The following CA12 variants were observed in gnomAD, a reference collection of about 807,000 sequenced individuals.
The protein encoded by CA12 is carbonate dehydratase XII.
CA12 carries 36 observed loss-of-function variants against 46.8 expected under a neutral mutation model. The ratio of observed to expected loss-of-function variants is 0.77; its 90% CI spans 0.59 to 1.02. CA12 has a LOEUF of 1.02. Among genes scored for constraint, CA12 ranks in the 50% least tolerant of loss-of-function variants. The probability of loss-of-function intolerance (pLI) is 0.00; values close to 1 mark genes in which losing one functional copy is unlikely to be tolerated. For missense variants in CA12, 436 were observed against 451.4 expected (o/e 0.97, Z 0.31); for synonymous variants, 202 against 187.0 (o/e 1.08, Z -0.65).
Position 63,381,662 on chromosome 15 carries a change from T to C in CA12, c.59A>G (p.Gln20Arg). 6.2e-7 allele frequency: 1 copy of C among 1,611,920 alleles called. No homozygotes were observed. Among genetic ancestry groups the C allele is most frequent in the Non-Finnish European group, 8.5e-7 (1 of 1,179,102 alleles). Residue 20 changes from glutamine to arginine, a missense_variant, in exon 1 of 11, where the codon CAG (glutamine) becomes CGG (arginine). Transcript: ENST00000178638. The part of the protein sequence containing the change: ...AVLLLVILKE[Q>R]PSSPAPVNGS... ...GTTCACTGGGGCCGGGCTGGAAGGC[T>C]GTTCCTTTAAGATCACCAGCAGGAG...
At chr15:63,349,961 G>T (rs1040538217) in intron 2 of CA12, among the ~76,000 whole-genome samples, 3 of 152,204 alleles carry the variant, frequency 2.0e-5, no homozygotes, top group African/African-American at 7.2e-5. Context: ...GAGGAAAAAT[G>T]AGATCACTTG....
chr15:63,375,091 C>T (rs79693439), intron 2 of CA12, among the ~76,000 whole-genome samples: 2,133 of 152,286 alleles, frequency 0.014, 33 homozygotes, highest in Non-Finnish European at 0.022. Context: ...CACAGAAAGC[C>T]CAGGCAACAA....
Position 63,355,568 on chromosome 15 carries a change from C to G in CA12, c.107-8859G>C, listed in dbSNP as rs1242460521. Among the ~76,000 whole-genome samples the G allele has an allele frequency of 6.6e-6, 1 of 152,354 alleles. No homozygotes were observed. The highest frequency in any genetic ancestry group is 1.5e-5 in the Non-Finnish European group (1 of 68,036). ...TGAGGCTGAGAAGCGCTGCACTAGA[C>G]TGTCAGCTCGCTTTCTGCATGCGTG... is the stretch of plus-strand genomic sequence containing the variant. On this transcript the variant is annotated intron_variant, in intron 2 of 10. Coordinates refer to ENST00000178638, the MANE Select transcript of CA12 (RefSeq NM_001218.5). This position sits in a 1 kb window ranked among gnomAD's most constrained non-coding sequence, Gnocchi z 4.1.
At position 63,348,648 on chromosome 15, in the gene CA12, T is replaced by C. The variant is rs1344645594; in HGVS notation, c.107-1939A>G. ...AAAGAGATGCATCATTGAGAAGCTT[T>C]CTCTTTGCACACATGACTAAAGGGA... On this transcript the variant is annotated intron_variant, in intron 2 of 10. Transcript: ENST00000178638. This position sits in a 1 kb window ranked among gnomAD's most constrained non-coding sequence, Gnocchi z 4.6. 3.9e-5 allele frequency among the ~76,000 whole-genome samples: 6 copies of C among 152,256 alleles called. No individual in the cohort carries two copies. The highest frequency in any genetic ancestry group is 1.4e-4 in the African/African-American group (6 of 41,466).
intron 1 of CA12, among the ~76,000 whole-genome samples, chr15:63,375,967 G>A (rs533443155): frequency 9.9e-5 from 15 of 151,902 alleles, no homozygotes; most frequent in Admixed American, 6.5e-4. Context: ...GCACCGTCAC[G>A]CCTGGTTAAT....
rs565211549 is a variant in CA12 at position 63,325,161 on chromosome 15, C to T, written c.*1124G>A. On this transcript the variant is annotated 3_prime_UTR_variant, in exon 11 of 11. Transcript: ENST00000178638. The surrounding 1 kb of genome is among the most constrained non-coding windows in gnomAD (Gnocchi z 4.9). ...TTTTATAGCTTGAAATATATTTGATCTAAACCACGATTTGACATCTTCAGA... is the reference window on the plus strand; with the variant it reads ...TTTTATAGCTTGAAATATATTTGATTTAAACCACGATTTGACATCTTCAGA... 8.5e-5 allele frequency: 13 copies of T among 152,280 alleles called. No individual in the cohort carries two copies. The highest frequency in any genetic ancestry group is 2.9e-4 in the African/African-American group (12 of 41,556). The allele number at this position is 152,280 out of a possible 1,614,324, so 9.4% of individuals were successfully genotyped here. A position where few individuals can be genotyped will look rare whatever the true frequency, so the allele number is the denominator to read the frequency against.
chr15:63,341,228 A>T lies in CA12; in HGVS notation c.526-445T>A, dbSNP rs573645451. On this transcript the variant is annotated intron_variant, in intron 5 of 10. Coordinates refer to ENST00000178638, the MANE Select transcript of CA12 (RefSeq NM_001218.5). The surrounding 1 kb of genome is among the most constrained non-coding windows in gnomAD (Gnocchi z 5.2). Reference sequence around the variant, plus strand: ...GAAGACATTCCTCTATCTTGGGATAAAAAAAGAATTCATTCCAGGGTACAT... The same window carrying T: ...GAAGACATTCCTCTATCTTGGGATATAAAAAGAATTCATTCCAGGGTACAT... Among the ~76,000 whole-genome samples the T allele has an allele frequency of 1.3e-5, 2 of 152,202 alleles. No individual in the cohort carries two copies. The highest frequency in any genetic ancestry group is 2.9e-5 in the Non-Finnish European group (2 of 68,036).
chr15:63,371,665 AG>A (rs1276208973), intron 2 of CA12, among the ~76,000 whole-genome samples: 1 of 152,208 alleles, frequency 6.6e-6, no homozygotes, highest in Non-Finnish European at 1.5e-5. Flanking sequence ...TTGAGCAAAC[AG>A]GGGTTTTCAT....
intron 2 of CA12, among the ~76,000 whole-genome samples, chr15:63,371,407 C>T (rs893132816): frequency 1.2e-4 from 19 of 152,156 alleles, no homozygotes; most frequent in Non-Finnish European, 2.2e-4. Flanking sequence ...CCGAGGGCCA[C>T]GAGGGCTGGC....
At chr15:63,365,349 C>G (rs2039424056) in intron 2 of CA12, among the ~76,000 whole-genome samples, 1 of 152,240 alleles carries the variant, frequency 6.6e-6, no homozygotes. Context: ...GCAGGGCACA[C>G]AGTGCCTGGC....
intron 3 of CA12, 98 bp downstream of exon 3, chr15:63,346,432 C>T (rs548596009): frequency 2.3e-4 from 118 of 517,376 alleles, no homozygotes; most frequent in African/African-American, 2.2e-3. Flanking sequence ...CTCCTGGATG[C>T]TTCCACGGAA....
rs775067652 is a variant in CA12, at chr15:63,345,543, G to T, written c.363C>A (p.His121Gln). The T allele has an allele frequency of 1.2e-6, 2 of 1,613,248 alleles. No individual in the cohort carries two copies. The highest frequency in any genetic ancestry group is 1.7e-6 in the Non-Finnish European group (2 of 1,180,024). ...SRYSATQLHLHWGNPNDPHGS... is the reference protein window; with the variant it reads ...SRYSATQLHLQWGNPNDPHGS... ...CGTGCGGGTCATTCGGGTTCCCCCA[G>T]TGCAGGTGCAGCTGCGTGGCACTGT... The change falls in exon 4 of 11, where the codon CAC becomes CAA. Residue 121 changes from histidine to glutamine, a missense_variant. By Grantham distance (24) the His-to-Gln change is conservative. Coordinates refer to ENST00000178638, the MANE Select transcript of CA12 (RefSeq NM_001218.5). This position sits in a 1 kb window ranked among gnomAD's most constrained non-coding sequence, Gnocchi z 4.3.
rs1324219573 is a variant in CA12, at chr15:63,330,685, G to C, written c.875-2555C>G. On this transcript the variant is annotated intron_variant, in intron 8 of 10. Transcript: ENST00000178638. This position sits in a 1 kb window ranked among gnomAD's most constrained non-coding sequence, Gnocchi z 4.0. ...CTATGGAGAGCAAGGCCCCAGCAAGGGTGGGGCTTTTCTCAGGGCACATGC... is the reference window on the plus strand; with the variant it reads ...CTATGGAGAGCAAGGCCCCAGCAAGCGTGGGGCTTTTCTCAGGGCACATGC... Among the ~76,000 whole-genome samples, 5 of 135,916 alleles carry C rather than the reference G, an allele frequency of 3.7e-5. No individual in the cohort carries two copies. Among genetic ancestry groups the C allele is most frequent in the Non-Finnish European group, 7.0e-5 (4 of 57,344 alleles). The allele number at this position is 135,916 out of a possible 152,430, so 89.2% of individuals were successfully genotyped here. A position where few individuals can be genotyped will look rare whatever the true frequency, so the allele number is the denominator to read the frequency against.
chr15:63,369,712 A>G (rs1346278024), intron 2 of CA12, among the ~76,000 whole-genome samples: 1 of 152,202 alleles, frequency 6.6e-6, no homozygotes, highest in East Asian at 1.9e-4. Flanking sequence ...CAGAGAGGTC[A>G]TTACTTTCCT....
chr15:63,354,912 C>T (rs915327123), intron 2 of CA12, among the ~76,000 whole-genome samples: 16 of 152,032 alleles, frequency 1.1e-4, no homozygotes, highest in African/African-American at 3.9e-4. Context: ...GGGGATGAGG[C>T]GGGGACAAAA....
intron 2 of CA12, among the ~76,000 whole-genome samples, chr15:63,350,794 G>A (rs558871407): frequency 1.3e-5 from 2 of 152,286 alleles, no homozygotes; most frequent in East Asian, 3.9e-4. Flanking sequence ...GGAGTGGAAT[G>A]AACCCCATGT....
chr15:63,356,626 G>A (rs973286093), intron 2 of CA12, among the ~76,000 whole-genome samples: 1 of 151,428 alleles, frequency 6.6e-6, no homozygotes, highest in African/African-American at 2.4e-5. Flanking sequence ...GGGTTCAAGC[G>A]ATTCTCGTGC....
In CA12 at chr15:63,345,763, C is replaced by T; in HGVS notation, c.287-144G>A. On this transcript the variant is annotated intron_variant, in intron 3 of 10. Coordinates refer to ENST00000178638, the MANE Select transcript of CA12 (RefSeq NM_001218.5). The surrounding 1 kb of genome is among the most constrained non-coding windows in gnomAD (Gnocchi z 4.3). ...CAGGTGGATGGAGTGAGGTGCGGAG[C>T]AGAGATGCAGCCTAAAGGTCAGACA... The T allele has an allele frequency of 9.2e-7, 1 of 1,088,132 alleles. No individual in the cohort carries two copies. Among genetic ancestry groups the T allele is most frequent in the South Asian group, 1.4e-5 (1 of 73,542 alleles). The allele number at this position is 1,088,132 out of a possible 1,614,324, so 67.4% of individuals were successfully genotyped here.
rs761109599 is a variant in CA12 at position 63,341,956 on chromosome 15, A to C, written c.525+46T>G. The C allele has an allele frequency of 7.4e-7, 1 of 1,348,258 alleles. No individual in the cohort carries two copies. Among genetic ancestry groups the C allele is most frequent in the Non-Finnish European group, 1.1e-6 (1 of 940,268 alleles). The allele number at this position is 1,348,258 out of a possible 1,614,324, so 83.5% of individuals were successfully genotyped here. A position where few individuals can be genotyped will look rare whatever the true frequency, so the allele number is the denominator to read the frequency against. The stretch of plus-strand genomic sequence containing the variant: ...GAACAAAAGGTGGAATCCCAATCTC[A>C]TCCCTGCTTCAAATTTCACCTAAGA... On this transcript the variant is annotated intron_variant, in intron 5 of 10. Coordinates refer to ENST00000178638, the MANE Select transcript of CA12 (RefSeq NM_001218.5). This position sits in a 1 kb window ranked among gnomAD's most constrained non-coding sequence, Gnocchi z 5.2.
Sources: gnomAD v4.1 joint callset for allele counts (sites outside exome capture counted in the v4.1 genomes callset) on GRCh38, gnomAD v4.1.1 for gene constraint, Gnocchi (gnomAD v3.1) non-coding constraint, MANE v1.5 for transcripts, NCBI Gene and HGNC (gene_info 2026-07-23, HGNC 2026-07-21) for gene names.